Variants in MCTP2 observed in about 807,000 individuals in gnomAD.
The protein encoded by MCTP2 is multiple C2 and transmembrane domain containing 2.
In MCTP2, 132 loss-of-function variants were observed where a neutral mutation model predicts 111.6. The ratio of observed to expected loss-of-function variants is 1.18; its 90% CI spans 1.03 to 1.37. The LOEUF (loss-of-function observed/expected upper bound fraction) is 1.37, where lower values mean the gene tolerates loss of function less well. MCTP2 is among the 40% of genes most tolerant of loss of function. MCTP2 has a pLI of 0.00. For synonymous variants in MCTP2, 395 were observed against 387.7 expected (o/e 1.02, Z -0.22); for missense variants, 1,183 against 1,067.9 (o/e 1.11, Z -1.50).
intron 1 of MCTP2, among the ~76,000 whole-genome samples, chr15:94,267,266 A>G (rs898364871): frequency 3.3e-5 from 5 of 152,128 alleles, no homozygotes; most frequent in Non-Finnish European, 7.4e-5. Context: ...TGCTATCCAT[A>G]TAGTTTTCCC....
rs1567265212 is a variant in MCTP2 at position 94,245,415 on chromosome 15, TAC to T, written c.-66+13753_-66+13754del. On this transcript the variant is annotated intron_variant, in intron 1 of 22. Transcript: ENST00000357742. ...ATATACATGTGTGTATATATTTATA[TAC>T]ATGTGTGTATATATTTATATATACA... Among the ~76,000 whole-genome samples the T allele has an allele frequency of 5.1e-5, 7 of 138,098 alleles. No individual in the cohort carries two copies. The East Asian group carries it at 1.3e-3, about 25-fold the overall frequency. 90.6% of individuals were successfully genotyped at this position (138,098 alleles called of 152,430 possible). A position where few individuals can be genotyped will look rare whatever the true frequency, so the allele number is the denominator to read the frequency against.
chr15:94,328,505 C>G (rs1003410221), intron 4 of MCTP2, among the ~76,000 whole-genome samples: 2 of 152,130 alleles, frequency 1.3e-5, no homozygotes, highest in Non-Finnish European at 1.5e-5. Flanking sequence ...GTTTCATTGT[C>G]TGTAAAGTTG....
intron 1 of MCTP2, among the ~76,000 whole-genome samples, chr15:94,296,426 C>G (rs113560620): frequency 6.6e-6 from 1 of 152,210 alleles, no homozygotes; most frequent in African/African-American, 2.4e-5. Context: ...TAAACATTTA[C>G]TCCATACCTA....
At chr15:94,464,477 T>C (rs2085477868) in intron 20 of MCTP2, among the ~76,000 whole-genome samples, 1 of 151,296 alleles carries the variant, frequency 6.6e-6, no homozygotes, top group East Asian at 1.9e-4. Flanking sequence ...TTGACAGGGA[T>C]TTATCAATTA....
intron 1 of MCTP2, among the ~76,000 whole-genome samples, chr15:94,285,524 G>A (rs1464269440): frequency 7.1e-6 from 1 of 141,302 alleles, no homozygotes; most frequent in Non-Finnish European, 1.6e-5. Flanking sequence ...ATTTTTTTTT[G>A]TTGAATGGTA....
At chr15:94,379,576 G>C (rs1234395307) in intron 12 of MCTP2, among the ~76,000 whole-genome samples, 4 of 151,684 alleles carry the variant, frequency 2.6e-5, no homozygotes, top group South Asian at 2.1e-4. Flanking sequence ...TCCTGGATGA[G>C]TAGAATGAAA....
chr15:94,347,863 C>T (rs968138562), intron 8 of MCTP2, among the ~76,000 whole-genome samples: 2 of 151,328 alleles, frequency 1.3e-5, no homozygotes, highest in African/African-American at 2.4e-5. Flanking sequence ...TCAGAAACTG[C>T]ACATATTCTG....
intron 19 of MCTP2, among the ~76,000 whole-genome samples, chr15:94,455,073 T>C (rs576839283): frequency 1.2e-4 from 19 of 152,352 alleles, no homozygotes; most frequent in Admixed American, 2.6e-4. Flanking sequence ...CTGCCCGCCA[T>C]GGCCTCCCAG....
intron 17 of MCTP2, chr15:94,402,276 C>T (rs1036133855): frequency 2.0e-6 from 2 of 982,530 alleles, no homozygotes; most frequent in African/African-American, 3.5e-5. Flanking sequence ...TTTGTATAGC[C>T]CTGCATTGTG....
intron 17 of MCTP2, among the ~76,000 whole-genome samples, chr15:94,430,393 T>TCACACACACACACACACACACACA (rs35129445): frequency 2.8e-5 from 3 of 107,184 alleles, no homozygotes; most frequent in African/African-American, 1.1e-4. Flanking sequence ...CCAAAAACAA[T>TCACACACACACACACACACACACA]CACACACACA....
chr15:94,443,703 A>G (rs962085144), intron 19 of MCTP2, among the ~76,000 whole-genome samples: 6 of 152,170 alleles, frequency 3.9e-5, no homozygotes, highest in African/African-American at 1.2e-4. Flanking sequence ...AGAGCCTTAG[A>G]ATTAATTGAG....
chr15:94,290,776 A>G (rs2152325201), intron 1 of MCTP2, among the ~76,000 whole-genome samples: 1 of 152,362 alleles, frequency 6.6e-6, no homozygotes, highest in Middle Eastern at 3.4e-3. Context: ...ATCAAACAAG[A>G]TAGGCTTCAG....
intron 1 of MCTP2, among the ~76,000 whole-genome samples, chr15:94,242,693 TA>T (rs2071065813): frequency 6.8e-6 from 1 of 146,900 alleles, no homozygotes; most frequent in Non-Finnish European, 1.5e-5. Flanking sequence ...AGTTTTTTTT[TA>T]AACTTTAGAT....
chr15:94,483,815 A>T lies in MCTP2; in HGVS notation c.*4781A>T, dbSNP rs546149218. The stretch of plus-strand genomic sequence containing the variant: ...CAAGCCTCTCTGACACAGTTTACCT[A>T]TGTAACAAACCTGCACAGTTACCCC... On this transcript the variant is annotated 3_prime_UTR_variant, in exon 23 of 23. Coordinates refer to ENST00000357742, the MANE Select transcript of MCTP2 (RefSeq NM_001385001.1). 5 of 152,196 alleles carry T rather than the reference A, an allele frequency of 3.3e-5. No individual in the cohort carries two copies. The highest frequency in any genetic ancestry group is 1.2e-4 in the African/African-American group (5 of 41,442). The allele number at this position is 152,196 out of a possible 1,614,324, so 9.4% of individuals were successfully genotyped here.
intron 17 of MCTP2, among the ~76,000 whole-genome samples, chr15:94,412,639 C>T (rs752913728): frequency 6.6e-6 from 1 of 152,082 alleles, no homozygotes; most frequent in Non-Finnish European, 1.5e-5. Context: ...GTTAGTGAAG[C>T]CTTGTCTTAC....
intron 12 of MCTP2, 143 bp from the exon 13 acceptor site, chr15:94,383,879 C>T: frequency 1.6e-6 from 1 of 625,386 alleles, no homozygotes; most frequent in East Asian, 2.8e-5. Flanking sequence ...TGGATTCCCA[C>T]ACAGGGCCTC....
rs753244380 is a variant in MCTP2, at chr15:94,260,871, T to G, written c.-66+29207T>G. On this transcript the variant is annotated intron_variant, in intron 1 of 22. Transcript: ENST00000357742. Reference sequence around the variant, plus strand: ...GCATGCCTCATTATACCCTCCTCCCTTTTGGAATTACTGAAAGAACAGTAA... The same window carrying G: ...GCATGCCTCATTATACCCTCCTCCCGTTTGGAATTACTGAAAGAACAGTAA... 2.0e-5 allele frequency among the ~76,000 whole-genome samples: 3 copies of G among 152,256 alleles called. No homozygotes were observed. The South Asian group carries it at 6.2e-4, about 32-fold the overall frequency.
At chr15:94,344,809 C>CT (rs894961633) in intron 7 of MCTP2, among the ~76,000 whole-genome samples, 9 of 152,040 alleles carry the variant, frequency 5.9e-5, no homozygotes, top group African/African-American at 1.9e-4. Flanking sequence ...AACCTTTCTG[C>CT]TTTTTTAGAG....
intron 20 of MCTP2, among the ~76,000 whole-genome samples, chr15:94,461,609 C>A (rs1382579268): frequency 2.0e-5 from 3 of 152,130 alleles, no homozygotes; most frequent in Non-Finnish European, 2.9e-5. Flanking sequence ...GAAATCTCCA[C>A]AGAGGAGATA....
Sources: allele counts gnomAD v4.1 joint callset (sites outside exome capture counted in the v4.1 genomes callset), GRCh38; gene constraint gnomAD v4.1.1; transcripts MANE v1.5; gene names NCBI Gene and HGNC (gene_info 2026-07-23, HGNC 2026-07-21).